Variants in GARNL3 observed in about 807,000 individuals in gnomAD.
GARNL3 encodes GTPase activating Rap/RanGAP domain like 3, also known as GTPase-activating Rap/Ran-GAP domain-like protein 3.
A neutral mutation model predicts 125.0 loss-of-function variants in GARNL3; 63 were observed. That is an observed-to-expected ratio of 0.50 (90% CI 0.41 to 0.62). The LOEUF is 0.62. Among genes scored for constraint, GARNL3 ranks in the 20% least tolerant of loss-of-function variants. GARNL3 has a pLI of 0.00. For missense variants in GARNL3, 994 were observed against 1,244.0 expected (o/e 0.80, Z 3.02); for synonymous variants, 439 against 457.5 (o/e 0.96, Z 0.52).
At chr9:127,259,209 G>A (rs1487719943), upstream of GARNL3, among the ~76,000 whole-genome samples, 3 of 152,146 alleles carry the variant, frequency 2.0e-5, no homozygotes, top group African/African-American at 4.8e-5. Context: ...CCAGGAATGT[G>A]ACTTACATCA....
intron 2 of GARNL3, 25 bp from the exon 3 acceptor site, chr9:127,311,611 A>G: frequency 6.6e-7 from 1 of 1,520,978 alleles, no homozygotes; most frequent in Non-Finnish European, 9.1e-7. Context: ...AAGCCTCTTA[A>G]TGTCACAACT....
chr9:127,254,114 A>G (rs756911029), intron 2 of GARNL3, among the ~76,000 whole-genome samples: 2 of 152,220 alleles, frequency 1.3e-5, no homozygotes, highest in Non-Finnish European at 2.9e-5. Flanking sequence ...GGTAACTGTA[A>G]CAAAATCACC....
chr9:127,314,694 T>C lies in GARNL3; in HGVS notation c.438+1135T>C, dbSNP rs145560082. On this transcript the variant is annotated intron_variant, in intron 4 of 27. Coordinates refer to ENST00000373387, the MANE Select transcript of GARNL3 (RefSeq NM_032293.5). ...CACATCCTCACTGAGATGGCTGCCA[T>C]GTATGAGGAGAGACAGAGTGGGACA... is the stretch of plus-strand genomic sequence containing the variant. 4.1e-3 allele frequency among the ~76,000 whole-genome samples: 631 copies of C among 152,290 alleles called. 7 individuals are homozygous for C. Among genetic ancestry groups the C allele is most frequent in the African/African-American group, 0.015 (613 of 41,554 alleles).
At chr9:127,236,675 C>T (rs1023795674) in intron 1 of GARNL3, among the ~76,000 whole-genome samples, 2 of 152,206 alleles carry the variant, frequency 1.3e-5, no homozygotes, top group African/African-American at 2.4e-5. Context: ...CCCCCTGCTT[C>T]GGCCTCTCAA....
rs144269969 is a variant in GARNL3 at position 127,357,270 on chromosome 9, G to C, written c.1987G>C (p.Ala663Pro). Residue 663 changes from alanine to proline, a missense_variant, in exon 21 of 28, where the codon GCT (alanine) becomes CCT (proline). Physicochemically the swap from Ala to Pro is conservative, Grantham distance 27 (BLOSUM62 -1). Coordinates refer to ENST00000373387, the MANE Select transcript of GARNL3 (RefSeq NM_032293.5). The stretch of plus-strand genomic sequence containing the variant: ...GGTGATGACCTTAGTGGATGGGCCA[G>C]CTGAAGAGAGTGACAATCTCATCTG... ...PMVMTLVDGP[A>P]EESDNLICVA... 1.9e-6 allele frequency: 3 copies of C among 1,614,094 alleles called. No individual in the cohort carries two copies. The highest frequency in any genetic ancestry group is 2.5e-6 in the Non-Finnish European group (3 of 1,180,030).
intron 22 of GARNL3, among the ~76,000 whole-genome samples, chr9:127,368,219 G>A (rs1248596028): frequency 6.6e-6 from 1 of 151,780 alleles, no homozygotes; most frequent in Non-Finnish European, 1.5e-5. Flanking sequence ...CGAAGGGGTA[G>A]GGGTAGGGAG....
At position 127,291,163 on chromosome 9, in the gene GARNL3, C is replaced by A; in HGVS notation, c.145-5C>A. On this transcript the variant is annotated splice_region_variant and splice_polypyrimidine_tract_variant and intron_variant, in intron 1 of 27. Transcript: ENST00000373387. ...CTTCCTAATTGAATGCTTTTTCCCC[C>A]CTAGCTTATTTCCAGTGATGCTGAT... 2 of 1,613,828 alleles carry A rather than the reference C, an allele frequency of 1.2e-6. No homozygotes were observed. The highest frequency in any genetic ancestry group is 1.7e-6 in the Non-Finnish European group (2 of 1,179,818).
chr9:127,377,792 CAAAAAAA>C (rs56965235), intron 22 of GARNL3, among the ~76,000 whole-genome samples: 1 of 67,486 alleles, frequency 1.5e-5, no homozygotes, highest in African/African-American at 5.3e-5. Flanking sequence ...GACTCCGTCT[CAAAAAAA>C]AAAAAAAAAA....
At chr9:127,315,235 C>T (rs2065207697) in intron 4 of GARNL3, among the ~76,000 whole-genome samples, 1 of 152,176 alleles carries the variant, frequency 6.6e-6, no homozygotes, top group Non-Finnish European at 1.5e-5. Flanking sequence ...TTAAGCCCCT[C>T]TTGGCCTGAA....
At position 127,253,237 on chromosome 9, in the gene GARNL3, T is replaced by C. The variant is rs80262164; in HGVS notation, c.143+9988T>C. 2.1e-4 allele frequency among the ~76,000 whole-genome samples: 32 copies of C among 152,230 alleles called. No individual in the cohort carries two copies. In the East Asian group the frequency reaches 6.0e-3, roughly 28 times the overall value. ...AGACACTACCCCAATATAGCTGGCC[T>C]CACCCTCCCCTGTTACTCCCAGCCT... On this transcript the variant is annotated intron_variant, in intron 2 of 10. Transcript: ENST00000439286.
At chr9:127,282,797 C>A (rs1220287010) in intron 1 of GARNL3, among the ~76,000 whole-genome samples, 1 of 151,914 alleles carries the variant, frequency 6.6e-6, no homozygotes, top group East Asian at 1.9e-4. Context: ...AAGCACCAAC[C>A]CAGTGAAACA....
rs78948463 is a variant in GARNL3, at chr9:127,280,729, C to T, written c.145-10439C>T. Among the ~76,000 whole-genome samples, 288 of 152,286 alleles carry T rather than the reference C, an allele frequency of 1.9e-3. No homozygotes were observed. Among genetic ancestry groups the T allele is most frequent in the African/African-American group, 6.4e-3 (268 of 41,552 alleles). ...CTGGGAAATGGAGTATCAGGGACTA[C>T]TGTTCAGATATGATTTTAATTAGAA... On this transcript the variant is annotated intron_variant, in intron 1 of 27. Transcript: ENST00000373387. This position sits in a 1 kb window ranked among gnomAD's most constrained non-coding sequence, Gnocchi z 4.5.
chr9:127,311,634 A>T lies in GARNL3; in HGVS notation c.220-2A>T. On this transcript the variant is annotated splice_acceptor_variant, in intron 2 of 27. Transcript: ENST00000373387. LOFTEE classifies it high-confidence loss of function. ...TAATGTCACAACTTTGTTCCATTACAGAATGCAACTGCCCTGCCTGGTACT... is the reference window on the plus strand; with the variant it reads ...TAATGTCACAACTTTGTTCCATTACTGAATGCAACTGCCCTGCCTGGTACT... 6.2e-7 allele frequency: 1 copy of T among 1,610,030 alleles called. No individual in the cohort carries two copies. Among genetic ancestry groups the T allele is most frequent in the Non-Finnish European group, 8.5e-7 (1 of 1,176,278 alleles).
At chr9:127,254,476 G>T (rs2131220128) in intron 2 of GARNL3, among the ~76,000 whole-genome samples, 1 of 152,294 alleles carries the variant, frequency 6.6e-6, no homozygotes, top group East Asian at 1.9e-4. Context: ...TTGGTATTCA[G>T]AATATACAAA....
At chr9:127,239,906 C>T (rs2063174885) in intron 1 of GARNL3, among the ~76,000 whole-genome samples, 1 of 151,884 alleles carries the variant, frequency 6.6e-6, no homozygotes, top group Non-Finnish European at 1.5e-5. Context: ...AAAGGCTAGC[C>T]TTTCAAATTT....
At chr9:127,287,313 T>C (rs1213315224) in intron 1 of GARNL3, among the ~76,000 whole-genome samples, 1 of 152,070 alleles carries the variant, frequency 6.6e-6, no homozygotes, top group African/African-American at 2.4e-5. Context: ...CTGATAGAGA[T>C]TGTGTCATTC....
At position 127,333,050 on chromosome 9, in the gene GARNL3, T is replaced by G. The variant is rs1437797333; in HGVS notation, c.698T>G (p.Phe233Cys). The change falls in exon 9 of 28, where the codon TTT becomes TGT. Residue 233 changes from phenylalanine (F) to cysteine (C), a missense_variant. Around this residue, in one of 5 missense-constraint regions of GARNL3, gnomAD observed 71 missense variants for 66.2 expected, o/e 1.07. Transcript: ENST00000373387. ...NEIGSEPFQKFLNLLGDTITL... is the reference protein window; with the variant it reads ...NEIGSEPFQKCLNLLGDTITL... ...ATTGGAAGCGAGCCTTTTCAAAAAT[T>G]TTTAAATCTTCTGGGTGACACAATC... 1.2e-6 allele frequency: 2 copies of G among 1,614,006 alleles called. No homozygotes were observed. Among genetic ancestry groups the G allele is most frequent in the Non-Finnish European group, 8.5e-7 (1 of 1,179,960 alleles).
intron 2 of GARNL3, among the ~76,000 whole-genome samples, chr9:127,245,158 C>T (rs958479187): frequency 6.6e-6 from 1 of 152,218 alleles, no homozygotes; most frequent in Non-Finnish European, 1.5e-5. Context: ...TTAAAGTACC[C>T]GCAGTGGAGC....
intron 13 of GARNL3, among the ~76,000 whole-genome samples, chr9:127,341,162 C>T (rs2131606148): frequency 6.6e-6 from 1 of 152,342 alleles, no homozygotes; most frequent in East Asian, 1.9e-4. Context: ...GGTGATGTCT[C>T]CCTCGACACA....
Sources: allele counts gnomAD v4.1 joint callset (sites outside exome capture counted in the v4.1 genomes callset), GRCh38; gene constraint gnomAD v4.1.1; regional missense constraint gnomAD v4.1.1; non-coding constraint Gnocchi (gnomAD v3.1); transcripts MANE v1.5; gene names NCBI Gene and HGNC (gene_info 2026-07-23, HGNC 2026-07-21).